PCDHGA1: variants seen among roughly 807,000 people sequenced by gnomAD.
PCDHGA1 encodes protocadherin gamma-A1.
Under a neutral mutation model 58.0 loss-of-function variants are expected in PCDHGA1, and 32 were observed. The observed-to-expected ratio is 0.55, with a 90% CI of 0.42 to 0.74. The LOEUF (loss-of-function observed/expected upper bound fraction) is 0.74. PCDHGA1 is among the 30% of genes least tolerant of loss of function. The pLI, the probability that PCDHGA1 is intolerant of heterozygous loss-of-function variation, is 0.00. For synonymous variants in PCDHGA1, 498 were observed against 501.1 expected (o/e 0.99, Z 0.08); for missense variants, 1,205 against 1,182.3 (o/e 1.02, Z -0.28).
intron 1 of PCDHGA1, among the ~76,000 whole-genome samples, chr5:141,406,594 G>A (rs1463823326): frequency 1.3e-5 from 2 of 152,068 alleles, no homozygotes; most frequent in Non-Finnish European, 2.9e-5. Context: ...CCCTTTAATG[G>A]TGAAAGTTGT....
At chr5:141,456,148 C>G (rs1408257938) in intron 1 of PCDHGA1, among the ~76,000 whole-genome samples, 1 of 152,080 alleles carries the variant, frequency 6.6e-6, no homozygotes, top group African/African-American at 2.4e-5. Flanking sequence ...CCGCCCGCCT[C>G]GGCCTCCTAA....
Position 141,490,151 on chromosome 5 carries a change from T to A in PCDHGA1, c.2422-4656T>A, listed in dbSNP as rs1449636059. 6.2e-6 allele frequency: 10 copies of A among 1,614,210 alleles called. No homozygotes were observed. The highest frequency in any genetic ancestry group is 8.5e-6 in the Non-Finnish European group (10 of 1,180,018). On this transcript the variant is annotated intron_variant, in intron 1 of 3. Transcript: ENST00000517417. This position sits in a 1 kb window ranked among gnomAD's most constrained non-coding sequence, Gnocchi z 5.4. ...GACCCTAGCAGTGGGGCAATCCATG[T>A]GTTGGGTCCCATAGACTTTGAGGAG... is the stretch of plus-strand genomic sequence containing the variant.
chr5:141,355,642 C>T lies in PCDHGA1; in HGVS notation c.2421+22537C>T, dbSNP rs559980851. The T allele has an allele frequency of 2.0e-5, 33 of 1,613,968 alleles. No homozygotes were observed. Among genetic ancestry groups the T allele is most frequent in the Middle Eastern group, 3.3e-4 (2 of 6,062 alleles). On this transcript the variant is annotated intron_variant, in intron 1 of 3. Transcript: ENST00000517417. Reference sequence around the variant, plus strand: ...AATAAAAGTTGCTGAAAATGAAAATCCTGGGGCAAGATTTCCTCTTCCTGA... The same window carrying T: ...AATAAAAGTTGCTGAAAATGAAAATTCTGGGGCAAGATTTCCTCTTCCTGA...
At position 141,487,760 on chromosome 5, in the gene PCDHGA1, G is replaced by T; in HGVS notation, c.2422-7047G>T. On this transcript the variant is annotated intron_variant, in intron 1 of 3. Transcript: ENST00000517417. The surrounding 1 kb of genome is among the most constrained non-coding windows in gnomAD (Gnocchi z 5.0). Reference sequence around the variant, plus strand: ...TGTAAGAGGTAACTATGTGGTAGACGCTGTGCTTTGTAACTGTTTCGTGAA... The same window carrying T: ...TGTAAGAGGTAACTATGTGGTAGACTCTGTGCTTTGTAACTGTTTCGTGAA... 1 of 1,545,950 alleles carries T rather than the reference G, an allele frequency of 6.5e-7. No individual in the cohort carries two copies. The highest frequency in any genetic ancestry group is 1.4e-5 in the African/African-American group (1 of 73,162).
chr5:141,385,549 C>T, intron 1 of PCDHGA1: 3 of 1,316,166 alleles, frequency 2.3e-6, no homozygotes, highest in East Asian at 2.9e-5. Context: ...TGGACTATCA[C>T]ATTTTATAAT....
chr5:141,333,350 GA>G (rs1298447482), intron 1 of PCDHGA1: 2 of 624,876 alleles, frequency 3.2e-6, no homozygotes, highest in African/African-American at 2.0e-5. Flanking sequence ...GTATGTGTGA[GA>G]TGCCATCTCT....
chr5:141,335,983 A>T (rs1404401748), intron 1 of PCDHGA1, among the ~76,000 whole-genome samples: 2 of 152,244 alleles, frequency 1.3e-5, no homozygotes, highest in Non-Finnish European at 2.9e-5. Flanking sequence ...AAATGCAATA[A>T]TTTTTTTAAA....
intron 1 of PCDHGA1, chr5:141,344,126 C>T (rs768485525): frequency 1.2e-6 from 2 of 1,613,996 alleles, no homozygotes; most frequent in South Asian, 2.2e-5. Context: ...CCGGTCAGAT[C>T]CGCTACTCGG....
rs756966401 is a variant in PCDHGA1, at chr5:141,393,451, C to T, written c.2421+60346C>T. The T allele has an allele frequency of 5.0e-6, 8 of 1,614,058 alleles. No homozygotes were observed. In the South Asian group the frequency reaches 6.6e-5, roughly 13 times the overall value. On this transcript the variant is annotated intron_variant, in intron 1 of 3. Transcript: ENST00000517417. The stretch of plus-strand genomic sequence containing the variant: ...GAGGCTGCTCACCACCTGGTCCTCA[C>T]GGCCTCGGATGGCGGCAAGCCGCCT...
intron 1 of PCDHGA1, chr5:141,393,440 C>T (rs777552488): frequency 1.7e-5 from 27 of 1,613,924 alleles, no homozygotes; most frequent in Non-Finnish European, 2.3e-5. Context: ...CTGCTCACCA[C>T]CTGGTCCTCA....
At chr5:141,364,718 T>G in intron 1 of PCDHGA1, 1 of 1,613,968 alleles carries the variant, frequency 6.2e-7, no homozygotes, top group Non-Finnish European at 8.5e-7. Flanking sequence ...TAATGATAAC[T>G]TCCCGCGTTT....
At chr5:141,341,316 A>G in intron 1 of PCDHGA1, 1 of 1,614,262 alleles carries the variant, frequency 6.2e-7, no homozygotes, top group Non-Finnish European at 8.5e-7. Context: ...CTCATCAGCC[A>G]GGAGAGCTGT....
At chr5:141,365,656 A>C in intron 1 of PCDHGA1, 2 of 1,613,518 alleles carry the variant, frequency 1.2e-6, no homozygotes. Flanking sequence ...CCTTGAAAGT[A>C]GCAGACGTTA....
At chr5:141,344,485 G>A (rs267600447) in intron 1 of PCDHGA1, 2 of 1,613,920 alleles carry the variant, frequency 1.2e-6, no homozygotes, top group Non-Finnish European at 1.7e-6. Context: ...CCTGGAACCC[G>A]ATTTCCAATT....
intron 1 of PCDHGA1, chr5:141,430,853 C>A: frequency 6.3e-7 from 1 of 1,587,214 alleles, no homozygotes; most frequent in Non-Finnish European, 8.6e-7. Flanking sequence ...CACCCAGATA[C>A]GCTATTCAGT....
Position 141,496,029 on chromosome 5 carries a change from C to T in PCDHGA1, c.2480+1164C>T, listed in dbSNP as rs548231443. ...TTGTCTTTTTTCTCTGAGCCTCTGTCTCTGTCTCTCATTTTTTTGTGCTTG... is the reference window on the plus strand; with the variant it reads ...TTGTCTTTTTTCTCTGAGCCTCTGTTTCTGTCTCTCATTTTTTTGTGCTTG... On this transcript the variant is annotated intron_variant, in intron 2 of 3. Coordinates refer to ENST00000517417, the MANE Select transcript of PCDHGA1 (RefSeq NM_018912.3). Among the ~76,000 whole-genome samples, 3 of 152,088 alleles carry T rather than the reference C, an allele frequency of 2.0e-5. No individual in the cohort carries two copies. In the East Asian group the frequency reaches 5.8e-4, roughly 29 times the overall value.
At chr5:141,352,741 G>A in intron 1 of PCDHGA1, 1 of 1,473,692 alleles carries the variant, frequency 6.8e-7, no homozygotes. Flanking sequence ...TGTAATCCCA[G>A]CACTTAACCA....
chr5:141,351,642 AC>A, intron 1 of PCDHGA1: 3 of 1,613,922 alleles, frequency 1.9e-6, no homozygotes, highest in Non-Finnish European at 2.5e-6. Flanking sequence ...TCTGAGAACA[AC>A]CCACCTGGCG....
At position 141,332,703 on chromosome 5, in the gene PCDHGA1, C is replaced by G. The variant is rs145246231; in HGVS notation, c.2019C>G (p.Ala673=). ...CCGACAGGATCTCCGACATCCTGGC[C>G]GACCTGGGCAGCCTCGAGCCCTCCG... ...AVADRISDIL[A]DLGSLEPSAK... is the part of the protein sequence containing the mutation. Residue 673 remains alanine, a synonymous_variant, in exon 1 of 4, where the codon GCC becomes GCG. Coordinates refer to ENST00000517417, the MANE Select transcript of PCDHGA1 (RefSeq NM_018912.3). This position sits in a 1 kb window ranked among gnomAD's most constrained non-coding sequence, Gnocchi z 4.6. 2.5e-6 allele frequency: 4 copies of G among 1,613,818 alleles called. No homozygotes were observed. Among genetic ancestry groups the G allele is most frequent in the South Asian group, 1.1e-5 (1 of 91,070 alleles).
Sources: gnomAD v4.1 joint callset for allele counts (sites outside exome capture counted in the v4.1 genomes callset) on GRCh38, gnomAD v4.1.1 for gene constraint, Gnocchi (gnomAD v3.1) non-coding constraint, MANE v1.5 for transcripts, NCBI Gene and HGNC (gene_info 2026-07-23, HGNC 2026-07-21) for gene names.